SLC9A9: variants seen among roughly 807,000 people sequenced by gnomAD.
The protein encoded by SLC9A9 is solute carrier family 9 member A9.
In SLC9A9, 62 loss-of-function variants were observed where a neutral mutation model predicts 77.8. That is an observed-to-expected ratio of 0.80 (90% CI 0.65 to 0.98). The LOEUF (loss-of-function observed/expected upper bound fraction) is 0.98, where lower values mean the gene tolerates loss of function less well. SLC9A9 is among the 50% of genes least tolerant of loss of function. The probability of loss-of-function intolerance (pLI) is 0.00; values close to 1 mark genes in which losing one functional copy is unlikely to be tolerated. For synonymous variants in SLC9A9, 320 were observed against 283.5 expected (o/e 1.13, Z -1.29); for missense variants, 775 against 774.9 (o/e 1.00, Z 0.00).
intron 9 of SLC9A9, among the ~76,000 whole-genome samples, chr3:143,549,348 T>C (rs181877174): frequency 6.6e-6 from 1 of 152,218 alleles, no homozygotes; most frequent in African/African-American, 2.4e-5. Flanking sequence ...TGCATAGATA[T>C]GCAAGTATGT....
chr3:143,416,083 GA>G (rs1374837535), intron 12 of SLC9A9, among the ~76,000 whole-genome samples: 4 of 152,196 alleles, frequency 2.6e-5, no homozygotes, highest in African/African-American at 9.7e-5. Context: ...ACTAGAATTA[GA>G]AATGGAGCCT....
intron 6 of SLC9A9, among the ~76,000 whole-genome samples, chr3:143,631,741 C>A (rs1576623200): frequency 2.0e-5 from 3 of 152,280 alleles, no homozygotes; most frequent in Admixed American, 2.0e-4. Flanking sequence ...TGTATCTACA[C>A]TCTCCCAATA....
At chr3:143,796,961 A>G (rs947441198) in intron 2 of SLC9A9, 58 bp from the exon 3 acceptor site, 2 of 1,392,378 alleles carry the variant, frequency 1.4e-6, no homozygotes, top group Middle Eastern at 1.8e-4. Context: ...CATTAAAAAA[A>G]CATGTTTCAA....
intron 12 of SLC9A9, among the ~76,000 whole-genome samples, chr3:143,453,523 A>G (rs2035041204): frequency 6.6e-6 from 1 of 152,152 alleles, no homozygotes; most frequent in South Asian, 2.1e-4. Flanking sequence ...ACATCTATTA[A>G]CATATTTCAT....
chr3:143,820,360 A>G (rs1576750885), intron 2 of SLC9A9, among the ~76,000 whole-genome samples: 1 of 152,326 alleles, frequency 6.6e-6, no homozygotes, highest in East Asian at 1.9e-4. Flanking sequence ...CATGGCAACA[A>G]ACCACCAATG....
chr3:143,578,402 A>C (rs970167615), intron 7 of SLC9A9, among the ~76,000 whole-genome samples, 183 bp downstream of exon 7: 5 of 152,172 alleles, frequency 3.3e-5, no homozygotes, highest in African/African-American at 1.2e-4. Flanking sequence ...CCCCTCTGCC[A>C]CTGGTACCAA....
intron 4 of SLC9A9, among the ~76,000 whole-genome samples, chr3:143,792,649 T>G (rs2008258835): frequency 6.6e-6 from 1 of 152,152 alleles, no homozygotes; most frequent in Non-Finnish European, 1.5e-5. Flanking sequence ...GCCTTGTGAG[T>G]GTCTCTTCTC....
chr3:143,609,559 AT>A (rs1376081445), intron 6 of SLC9A9, among the ~76,000 whole-genome samples: 1 of 152,204 alleles, frequency 6.6e-6, no homozygotes, highest in Non-Finnish European at 1.5e-5. Context: ...CTGAGAGAGT[AT>A]AAAGTGAAAA....
rs555264664 is a variant in SLC9A9, at chr3:143,701,364, G to A, written c.534-8057C>T. Among the ~76,000 whole-genome samples the A allele has an allele frequency of 8.5e-5, 13 of 152,166 alleles. No homozygotes were observed. The South Asian group carries it at 2.7e-3, about 32-fold the overall frequency. ...AGAGATATATGACCCTTTTGACAGA[G>A]AATTCAAAATAGCTGTTTTGAGGAA... On this transcript the variant is annotated intron_variant, in intron 4 of 15. Coordinates refer to ENST00000316549, the MANE Select transcript of SLC9A9 (RefSeq NM_173653.4).
intron 6 of SLC9A9, among the ~76,000 whole-genome samples, chr3:143,643,084 C>T (rs1272995244): frequency 2.0e-5 from 3 of 152,012 alleles, no homozygotes; most frequent in Admixed American, 6.6e-5. Flanking sequence ...ATTCTTCTTG[C>T]GGCCTGTACA....
intron 12 of SLC9A9, among the ~76,000 whole-genome samples, chr3:143,398,162 G>T (rs2033772333): frequency 6.6e-6 from 1 of 152,134 alleles, no homozygotes; most frequent in African/African-American, 2.4e-5. Context: ...TGGTTTCTAA[G>T]ATGTTTTGAG....
intron 2 of SLC9A9, among the ~76,000 whole-genome samples, chr3:143,820,084 T>A (rs2009127806): frequency 6.6e-6 from 1 of 152,228 alleles, no homozygotes; most frequent in Admixed American, 6.5e-5. Context: ...TTCTAAGTGC[T>A]TCACATGAAT....
At chr3:143,709,278 T>G (rs115502101) in intron 4 of SLC9A9, among the ~76,000 whole-genome samples, 95 of 152,262 alleles carry the variant, frequency 6.2e-4, no homozygotes, top group African/African-American at 2.2e-3. Context: ...CTCTGTAAGT[T>G]GGACCCAGGC....
chr3:143,531,982 A>G (rs1250656405), intron 9 of SLC9A9, among the ~76,000 whole-genome samples: 1 of 152,250 alleles, frequency 6.6e-6, no homozygotes, highest in East Asian at 1.9e-4. Flanking sequence ...ATCACAACTG[A>G]TTGAATGCAG....
At chr3:143,482,321 T>A (rs1414994777) in intron 11 of SLC9A9, among the ~76,000 whole-genome samples, 1 of 152,166 alleles carries the variant, frequency 6.6e-6, no homozygotes, top group Non-Finnish European at 1.5e-5. Flanking sequence ...TTGGCAACAG[T>A]TAGTGCTGCT....
At chr3:143,363,394 A>G in intron 14 of SLC9A9, 90 bp downstream of exon 14, 1 of 1,144,000 alleles carries the variant, frequency 8.7e-7, no homozygotes, top group Admixed American at 1.7e-5. Flanking sequence ...TGTTTCTTGA[A>G]GAGCAGGAGT....
chr3:143,686,910 T>TC (rs1933290553), intron 5 of SLC9A9, among the ~76,000 whole-genome samples: 1 of 151,842 alleles, frequency 6.6e-6, no homozygotes, highest in South Asian at 2.1e-4. Context: ...AGTCTCTGTT[T>TC]TTTGCACACA....
At chr3:143,612,660 C>T (rs902256654) in intron 6 of SLC9A9, among the ~76,000 whole-genome samples, 1 of 152,194 alleles carries the variant, frequency 6.6e-6, no homozygotes, top group Non-Finnish European at 1.5e-5. Flanking sequence ...AAAATACCTG[C>T]AACTAGTCTG....
chr3:143,809,641 T>C (rs2008811907), intron 2 of SLC9A9, among the ~76,000 whole-genome samples: 1 of 152,126 alleles, frequency 6.6e-6, no homozygotes, highest in East Asian at 1.9e-4. Context: ...GGAGAAAAAA[T>C]CCAAGCGAGG....
Sources: gnomAD v4.1 joint callset for allele counts (sites outside exome capture counted in the v4.1 genomes callset) on GRCh38, gnomAD v4.1.1 for gene constraint, MANE v1.5 for transcripts, NCBI Gene and HGNC (gene_info 2026-07-23, HGNC 2026-07-21) for gene names.